Variants in ZNF227 observed in about 807,000 individuals in gnomAD.
ZNF227 encodes zinc finger protein 227.
Under a neutral mutation model 13.2 loss-of-function variants are expected in ZNF227, and 12 were observed. The ratio of observed to expected loss-of-function variants is 0.91; its 90% CI spans 0.58 to 1.47. The LOEUF (loss-of-function observed/expected upper bound fraction) is 1.47. ZNF227 is among the 40% of genes most tolerant of loss of function. The probability of loss-of-function intolerance (pLI) is 0.00; values close to 1 mark genes in which losing one functional copy is unlikely to be tolerated. For missense variants in ZNF227, 885 were observed against 967.5 expected (o/e 0.91, Z 1.13); for synonymous variants, 338 against 326.0 (o/e 1.04, Z -0.40).
At chr19:44,211,197 TGTCTAAC>T (rs1418675527), upstream of ZNF227, among the ~76,000 whole-genome samples, 2 of 136,286 alleles carry the variant, frequency 1.5e-5, no homozygotes, top group African/African-American at 6.0e-5. Context: ...AGCCAAACTC[TGTCTAAC>T]AACAACAACA....
chr19:44,217,715 A>T, intron 2 of ZNF227, 76 bp from the exon 3 acceptor site: 2 of 1,486,218 alleles, frequency 1.3e-6, no homozygotes, highest in Non-Finnish European at 9.4e-7. Flanking sequence ...ATGTAGGGCT[A>T]TTTCTCTAAT....
chr19:44,227,689 T>TTAGA (rs1322205175), intron 3 of ZNF227, among the ~76,000 whole-genome samples: 1 of 152,156 alleles, frequency 6.6e-6, no homozygotes, highest in Non-Finnish European at 1.5e-5. Context: ...ACCTTATAAT[T>TTAGA]TAGATACAAT....
upstream of ZNF227, among the ~76,000 whole-genome samples, chr19:44,212,370 TTTTTTTTG>T (rs1174981664): frequency 9.9e-6 from 1 of 101,522 alleles, no homozygotes; most frequent in African/African-American, 3.8e-5. Context: ...CGCTCCGTTT[TTTTTTTTG>T]TTTTTTTTTT....
upstream of ZNF227, among the ~76,000 whole-genome samples, chr19:44,211,390 CAT>C (rs1286177830): frequency 2.0e-5 from 3 of 152,142 alleles, no homozygotes; most frequent in African/African-American, 4.8e-5. Context: ...GAACTGCAAA[CAT>C]GTACTGTAGT....
Position 44,236,851 on chromosome 19 carries a change from AC to A in ZNF227, c.*22del. On this transcript the variant is annotated 3_prime_UTR_variant, in exon 6 of 6. Transcript: ENST00000313040. The stretch of plus-strand genomic sequence containing the variant: ...TTTAGAAATGAGAAATGTGTTACCA[AC>A]TTTTGTCTGAATGCACATCTTCAAG... 1 of 1,535,068 alleles carries A rather than the reference AC, an allele frequency of 6.5e-7. No individual in the cohort carries two copies. Among genetic ancestry groups the A allele is most frequent in the Non-Finnish European group, 8.7e-7 (1 of 1,143,154 alleles).
At chr19:44,222,424 CCT>C (rs1430446179) in intron 3 of ZNF227, among the ~76,000 whole-genome samples, 10 of 151,734 alleles carry the variant, frequency 6.6e-5, no homozygotes, top group Admixed American at 2.0e-4. Flanking sequence ...TTGTTTGTAT[CCT>C]CTTTTATTTC....
intron 5 of ZNF227, among the ~76,000 whole-genome samples, chr19:44,233,769 G>A (rs771365766): frequency 3.3e-5 from 5 of 152,074 alleles, no homozygotes; most frequent in Non-Finnish European, 7.3e-5. Context: ...AGTGGCATGC[G>A]CCAGTAATCC....
chr19:44,218,486 G>T (rs1972117731), intron 3 of ZNF227, among the ~76,000 whole-genome samples: 1 of 152,190 alleles, frequency 6.6e-6, no homozygotes, highest in Non-Finnish European at 1.5e-5. Context: ...TCTAAAGAAT[G>T]ACATGGTGTA....
At chr19:44,230,927 AT>A (rs1189539455) in intron 5 of ZNF227, among the ~76,000 whole-genome samples, 3,693 of 76,210 alleles carry the variant, frequency 0.048, 93 homozygotes, top group Non-Finnish European at 0.06. Context: ...AAAAAAAAAA[AT>A]ATATATATAT....
chr19:44,228,255 A>G (rs1973390754), intron 3 of ZNF227, 191 bp from the exon 4 acceptor site: 2 of 542,030 alleles, frequency 3.7e-6, no homozygotes, highest in Non-Finnish European at 6.1e-6. Flanking sequence ...AAAAACAGTG[A>G]TAAACTACAG....
At chr19:44,220,239 T>TA (rs1370012814) in intron 3 of ZNF227, among the ~76,000 whole-genome samples, 1 of 152,196 alleles carries the variant, frequency 6.6e-6, no homozygotes, top group African/African-American at 2.4e-5. Flanking sequence ...AGAATTAACA[T>TA]ATGTGTGCAT....
Position 44,235,181 on chromosome 19 carries a change from C to T in ZNF227, c.751C>T (p.Pro251Ser). Residue 251 changes from proline to serine, a missense_variant, in exon 6 of 6, where the codon CCA becomes TCA. Transcript: ENST00000313040. ...ATTACCCTTAGGAGAGAAACCCCAT[C>T]CATGTGGTGAGTGTGGAAGGGGCTT... is the stretch of plus-strand genomic sequence containing the variant. ...QKLPLGEKPH[P>S]CGECGRGFSY... is the part of the protein sequence containing the mutation. 2 of 1,614,022 alleles carry T rather than the reference C, an allele frequency of 1.2e-6. No homozygotes were observed. Among genetic ancestry groups the T allele is most frequent in the Non-Finnish European group, 1.7e-6 (2 of 1,180,012 alleles).
rs148778092 is a variant in ZNF227, at chr19:44,228,498, G to A, written c.113G>A (p.Arg38Gln). 6.2e-5 allele frequency: 100 copies of A among 1,613,834 alleles called. No individual in the cohort carries two copies. The highest frequency in any genetic ancestry group is 3.9e-4 in the African/African-American group (29 of 74,932). Residue 38 changes from arginine (R) to glutamine (Q), a missense_variant, in exon 4 of 6, where the codon CGA becomes CAA. By Grantham distance (43) the Arg-to-Gln change is conservative. Coordinates refer to ENST00000313040, the MANE Select transcript of ZNF227 (RefSeq NM_182490.3). ...GTGGTCTTCTCCAGGGAGGAACTGC[G>A]ACTGCTCGATCTTACCCAGAGGAAG... ...VAVVFSREEL[R>Q]LLDLTQRKLY...
At chr19:44,225,173 T>C (rs372940305) in intron 3 of ZNF227, among the ~76,000 whole-genome samples, 4 of 151,590 alleles carry the variant, frequency 2.6e-5, no homozygotes, top group East Asian at 1.9e-4. Flanking sequence ...GTGGGTAACC[T>C]GACCTTTCTC....
At chr19:44,218,660 A>G (rs902225432) in intron 3 of ZNF227, among the ~76,000 whole-genome samples, 9 of 152,168 alleles carry the variant, frequency 5.9e-5, no homozygotes, top group African/African-American at 2.2e-4. Context: ...CTGTCATTGC[A>G]TTTTTCAGAT....
In ZNF227 at chr19:44,235,860, C is replaced by T. The variant is rs151279916; in HGVS notation, c.1430C>T (p.Thr477Ile). ...EACGKGFTRN[T>I]DLHIHFRVHT... ...TGTGGGAAAGGCTTTACCCGTAATA[C>T]AGATCTGCATATTCATTTCAGAGTT... Residue 477 changes from threonine (T) to isoleucine (I), a missense_variant, in exon 6 of 6, where the codon ACA (threonine) becomes ATA (isoleucine). By Grantham distance (89) the Thr-to-Ile change is moderately conservative. Transcript: ENST00000313040. The T allele has an allele frequency of 3.2e-4, 518 of 1,613,880 alleles. No individual in the cohort carries two copies. Among genetic ancestry groups the T allele is most frequent in the Non-Finnish European group, 3.6e-4 (424 of 1,180,020 alleles).
chr19:44,208,140 T>TA (rs1971253776), upstream of ZNF227, among the ~76,000 whole-genome samples: 1 of 152,192 alleles, frequency 6.6e-6, no homozygotes, highest in South Asian at 2.1e-4. Flanking sequence ...AAAATATTAT[T>TA]AAAAAATTCC....
chr19:44,218,581 T>G (rs1426897620), intron 3 of ZNF227, among the ~76,000 whole-genome samples: 1 of 152,246 alleles, frequency 6.6e-6, no homozygotes, highest in Non-Finnish European at 1.5e-5. Context: ...TGTATGAATT[T>G]ATTTCATCAA....
chr19:44,215,062 A>G (rs1349383476), intron 2 of ZNF227, among the ~76,000 whole-genome samples: 3 of 150,672 alleles, frequency 2.0e-5, no homozygotes, highest in Non-Finnish European at 4.4e-5. Context: ...TCCCCAAACC[A>G]TCTCCCCCGC....
Sources: gnomAD v4.1 joint callset for allele counts (sites outside exome capture counted in the v4.1 genomes callset) on GRCh38, gnomAD v4.1.1 for gene constraint, MANE v1.5 for transcripts, NCBI Gene and HGNC (gene_info 2026-07-23, HGNC 2026-07-21) for gene names.